The following TBR1 variants were observed in gnomAD, a reference collection of about 807,000 sequenced individuals.
TBR1 encodes T-box brain transcription factor 1.
TBR1 carries 7 observed loss-of-function variants against 60.3 expected under a neutral mutation model. The ratio of observed to expected loss-of-function variants is 0.12; its 90% CI spans 0.07 to 0.22. TBR1 has a LOEUF of 0.22. TBR1 is among the 10% of genes least tolerant of loss of function. The pLI is 1.00. For synonymous variants in TBR1, 417 were observed against 409.9 expected (o/e 1.02, Z -0.21); for missense variants, 616 against 936.8 (o/e 0.66, Z 4.47).
Position 161,417,874 on chromosome 2 carries a change from T to C in TBR1, c.847+44T>C. On this transcript the variant is annotated intron_variant, in intron 2 of 5. Coordinates refer to ENST00000389554, the MANE Select transcript of TBR1 (RefSeq NM_006593.4). The surrounding 1 kb of genome is among the most constrained non-coding windows in gnomAD (Gnocchi z 5.3). The stretch of plus-strand genomic sequence containing the variant: ...CACATTTTCTTGACACTTATTTAGG[T>C]GAGAATGATTAATTAAAGCCTTTGT... 1.2e-6 allele frequency: 2 copies of C among 1,601,310 alleles called. No homozygotes were observed. The highest frequency in any genetic ancestry group is 1.7e-4 in the Middle Eastern group (1 of 6,004).
Position 161,423,643 on chromosome 2 carries a change from G to C in TBR1, c.1465G>C (p.Ala489Pro). ...PSPQRWFVTP[A>P]NNRLDFAASA... ...GCCGCAACGCTGGTTTGTGACGCCGGCCAACAACCGGCTGGACTTCGCGGC... is the reference window on the plus strand; with the variant it reads ...GCCGCAACGCTGGTTTGTGACGCCGCCCAACAACCGGCTGGACTTCGCGGC... The change falls in exon 6 of 6, where the codon GCC (alanine) becomes CCC (proline). Residue 489 changes from alanine to proline, a missense_variant. By Grantham distance (27) the Ala-to-Pro change is conservative (BLOSUM62 -1). Transcript: ENST00000389554. The C allele has an allele frequency of 6.5e-7, 1 of 1,540,202 alleles. No homozygotes were observed. The highest frequency in any genetic ancestry group is 8.7e-7 in the Non-Finnish European group (1 of 1,152,034).
At chr2:161,420,428 T>A in intron 5 of TBR1, 171 bp downstream of exon 5, 1 of 261,876 alleles carries the variant, frequency 3.8e-6, no homozygotes, top group Non-Finnish European at 6.8e-6. Flanking sequence ...CTTTTTTTTT[T>A]TTTTTTTTTT....
chr2:161,424,169 G>A lies in TBR1; in HGVS notation c.1991G>A (p.Cys664Tyr). The A allele has an allele frequency of 3.1e-6, 5 of 1,613,058 alleles. No homozygotes were observed. The highest frequency in any genetic ancestry group is 4.2e-6 in the Non-Finnish European group (5 of 1,179,646). Residue 664 changes from cysteine (C) to tyrosine (Y), a missense_variant, in exon 6 of 6, where the codon TGC becomes TAC. By Grantham distance (194) the Cys-to-Tyr change is radical (BLOSUM62 -2). Transcript: ENST00000389554. The surrounding 1 kb of genome is among the most constrained non-coding windows in gnomAD (Gnocchi z 4.4). ...LKSEVLAQRDCEKNCAKDISG... is the reference protein window; with the variant it reads ...LKSEVLAQRDYEKNCAKDISG... ...AGCGAGGTGCTGGCCCAGCGGGACT[G>A]CGAGAAGAACTGCGCCAAGGACATT...
chr2:161,424,136 C>T lies in TBR1; in HGVS notation c.1958C>T (p.Pro653Leu). 2 of 1,612,974 alleles carry T rather than the reference C, an allele frequency of 1.2e-6. No individual in the cohort carries two copies. Among genetic ancestry groups the T allele is most frequent in the Non-Finnish European group, 1.7e-6 (2 of 1,179,704 alleles). Reference sequence around the variant, plus strand: ...ACGCCCGTGTCCGAGAGTTCGTCCCCGCTCAAGAGCGAGGTGCTGGCCCAG... The same window carrying T: ...ACGCCCGTGTCCGAGAGTTCGTCCCTGCTCAAGAGCGAGGTGCTGGCCCAG... ...ADTPVSESSS[P>L]LKSEVLAQRD... The change falls in exon 6 of 6, where the codon CCG (proline) becomes CTG (leucine). Residue 653 changes from proline to leucine, a missense_variant. Pro to Leu is a moderately conservative substitution (Grantham distance 98, BLOSUM62 -3). Coordinates refer to ENST00000389554, the MANE Select transcript of TBR1 (RefSeq NM_006593.4). The surrounding 1 kb of genome is among the most constrained non-coding windows in gnomAD (Gnocchi z 4.4).
chr2:161,425,013 C>T lies in TBR1; in HGVS notation c.*786C>T, dbSNP rs1046418428. 1.3e-5 allele frequency: 2 copies of T among 152,268 alleles called. No individual in the cohort carries two copies. Among genetic ancestry groups the T allele is most frequent in the African/African-American group, 4.8e-5 (2 of 41,416 alleles). The allele number at this position is 152,268 out of a possible 1,614,324, so 9.4% of individuals were successfully genotyped here. A position where few individuals can be genotyped will look rare whatever the true frequency, so the allele number is the denominator to read the frequency against. ...GTTGCATGAAATAATTACTATGTGCCCTAATGCACACAAATAGCTAAGGAG... is the reference window on the plus strand; with the variant it reads ...GTTGCATGAAATAATTACTATGTGCTCTAATGCACACAAATAGCTAAGGAG... On this transcript the variant is annotated 3_prime_UTR_variant, in exon 6 of 6. Transcript: ENST00000389554.
At chr2:161,418,405 T>C (rs886714843) in intron 3 of TBR1, 83 bp downstream of exon 3, 7 of 1,499,458 alleles carry the variant, frequency 4.7e-6, no homozygotes, top group Non-Finnish European at 4.5e-6. Flanking sequence ...AAGCAGCATA[T>C]GGAACTGGAT....
chr2:161,416,561 C>G lies in TBR1; in HGVS notation c.151C>G (p.Pro51Ala). 1 of 1,614,110 alleles carries G rather than the reference C, an allele frequency of 6.2e-7. No homozygotes were observed. ...CACTGACAACCTGGAGAGAAGTTCA[C>G]CTTTGAAAAAAATTACCAGGGGGAT... ...STTDNLERSS[P>A]LKKITRGMTN... Residue 51 changes from proline (P) to alanine (A), a missense_variant, in exon 1 of 6, where the codon CCT (proline) becomes GCT (alanine). By Grantham distance (27) the Pro-to-Ala change is conservative. This residue lies in a region of TBR1 where 211 missense variants were observed against 268.7 expected (regional missense o/e 0.79). Coordinates refer to ENST00000389554, the MANE Select transcript of TBR1 (RefSeq NM_006593.4). This position sits in a 1 kb window ranked among gnomAD's most constrained non-coding sequence, Gnocchi z 6.1.
chr2:161,419,708 A>C (rs771072397), intron 4 of TBR1: 1 of 152,334 alleles, frequency 6.6e-6, no homozygotes, highest in Non-Finnish European at 1.5e-5. Flanking sequence ...TCTTTTTTTT[A>C]CTTAAATGAT....
Position 161,418,096 on chromosome 2 carries a change from A to ATATGTG in TBR1, c.848-104_848-103insATGTGT, listed in dbSNP as rs368406246. ...CTTCATGGTGGAGTAAGGTGTGTGT[A>ATATGTG]TGTGTGTGTGTGTGTGTGTGTGTGT... On this transcript the variant is annotated intron_variant, in intron 2 of 5. Coordinates refer to ENST00000389554, the MANE Select transcript of TBR1 (RefSeq NM_006593.4). The ATATGTG allele has an allele frequency of 1.9e-5, 27 of 1,414,458 alleles. No homozygotes were observed. The African/African-American group carries it at 3.7e-4, about 19-fold the overall frequency. 87.6% of individuals were successfully genotyped at this position (1,414,458 alleles called of 1,614,324 possible).
In TBR1 at chr2:161,416,393, T is replaced by C. The variant is rs1230191239; in HGVS notation, c.-18T>C. ...TAAAAACCAGGGACGGGAGGGCGAG[T>C]GTTCAGGTTCTAGAGCTATGCAGCT... On this transcript the variant is annotated 5_prime_UTR_variant, in exon 1 of 6. Coordinates refer to ENST00000389554, the MANE Select transcript of TBR1 (RefSeq NM_006593.4). The surrounding 1 kb of genome is among the most constrained non-coding windows in gnomAD (Gnocchi z 6.1). The C allele has an allele frequency of 3.3e-6, 5 of 1,534,024 alleles. No individual in the cohort carries two copies. In the East Asian group the frequency reaches 1.1e-4, roughly 35 times the overall value.
chr2:161,422,527 G>A (rs979314770), intron 5 of TBR1: 1 of 152,218 alleles, frequency 6.6e-6, no homozygotes, highest in Non-Finnish European at 1.5e-5. Flanking sequence ...TCCATTGCAT[G>A]GAGTAGGCTG....
At chr2:161,419,270 G>C in intron 4 of TBR1, 2 of 585,344 alleles carry the variant, frequency 3.4e-6, no homozygotes, top group Non-Finnish European at 5.6e-6. Flanking sequence ...TTTCGTCGCT[G>C]GTCACCCGGG....
At position 161,423,570 on chromosome 2, in the gene TBR1, C is replaced by T; in HGVS notation, c.1392C>T (p.Thr464=). 6.4e-7 allele frequency: 1 copy of T among 1,550,994 alleles called. No individual in the cohort carries two copies. Among genetic ancestry groups the T allele is most frequent in the Non-Finnish European group, 8.7e-7 (1 of 1,153,364 alleles). ...GTACGGACCGCAGCGTGCCGCACAC[C>T]AACGGGCTGCTGTCGCCGCAGCAGG... ...GPGTDRSVPH[T]NGLLSPQQAE... The change falls in exon 6 of 6, where the codon ACC becomes ACT. Residue 464 remains threonine, a synonymous_variant. Transcript: ENST00000389554.
In TBR1 at chr2:161,420,242, G is replaced by A; in HGVS notation, c.1175G>A (p.Arg392Gln). Residue 392 changes from arginine (R) to glutamine (Q), a missense_variant, in exon 5 of 6, where the codon CGG becomes CAG. By Grantham distance (43) the Arg-to-Gln change is conservative. Around this residue, in one of 8 missense-constraint regions of TBR1, gnomAD observed 3 missense variants for 36.7 expected, o/e 0.08. Coordinates refer to ENST00000389554, the MANE Select transcript of TBR1 (RefSeq NM_006593.4). ...CACAACCCTTTTGCAAAAGGATTTC[G>A]GGATAATTATGACACGTAAGTAACT... is the stretch of plus-strand genomic sequence containing the variant. ...IDHNPFAKGF[R>Q]DNYDTIYTGC... The A allele has an allele frequency of 6.2e-7, 1 of 1,613,184 alleles. No homozygotes were observed. The highest frequency in any genetic ancestry group is 8.5e-7 in the Non-Finnish European group (1 of 1,179,608).
In TBR1 at chr2:161,423,508, C is replaced by G. The variant is rs1411442162; in HGVS notation, c.1330C>G (p.Arg444Gly). The G allele has an allele frequency of 6.3e-7, 1 of 1,590,468 alleles. No individual in the cohort carries two copies. The highest frequency in any genetic ancestry group is 1.1e-5 in the South Asian group (1 of 88,140). ...GTTCGTGAGCAACTACGCCAAGGCCCGCTTCCACCCGGGCGCGGGCGCGGG... is the reference window on the plus strand; with the variant it reads ...GTTCGTGAGCAACTACGCCAAGGCCGGCTTCCACCCGGGCGCGGGCGCGGG... ...DQFVSNYAKA[R>G]FHPGAGAGPG... The change falls in exon 6 of 6, where the codon CGC becomes GGC. Residue 444 changes from arginine to glycine, a missense_variant. Coordinates refer to ENST00000389554, the MANE Select transcript of TBR1 (RefSeq NM_006593.4).
chr2:161,420,171 A>C, intron 4 of TBR1, 25 bp from the exon 5 acceptor site: 1 of 1,603,620 alleles, frequency 6.2e-7, no homozygotes, highest in Non-Finnish European at 8.5e-7. Context: ...AAGGTGAGAT[A>C]ACATTCATTT....
At position 161,423,652 on chromosome 2, in the gene TBR1, C is replaced by G; in HGVS notation, c.1474C>G (p.Arg492Gly). Residue 492 changes from arginine (R) to glycine (G), a missense_variant, in exon 6 of 6, where the codon CGG becomes GGG. By Grantham distance (125) the Arg-to-Gly change is moderately radical. Around this residue, in one of 8 missense-constraint regions of TBR1, gnomAD observed 210 missense variants for 297.4 expected, o/e 0.71. Transcript: ENST00000389554. ...CTGGTTTGTGACGCCGGCCAACAAC[C>G]GGCTGGACTTCGCGGCCTCGGCCTA... The part of the protein sequence containing the change: ...QRWFVTPANN[R>G]LDFAASAYDT... 6.5e-7 allele frequency: 1 copy of G among 1,544,306 alleles called. No homozygotes were observed. Among genetic ancestry groups the G allele is most frequent in the Middle Eastern group, 1.9e-4 (1 of 5,340 alleles).
chr2:161,416,436 CTTCT>C lies in TBR1; in HGVS notation c.27_30del (p.Ile11CysfsTer9). 6.2e-7 allele frequency: 1 copy of C among 1,604,714 alleles called. No individual in the cohort carries two copies. The highest frequency in any genetic ancestry group is 8.5e-7 in the Non-Finnish European group (1 of 1,175,096). ...ATGCAGCTGGAGCACTGCCTTTCTC[CTTCT>C]ATCATGCTCTCCAAGAAATTTCTCA... On this transcript the variant is annotated frameshift_variant, in exon 1 of 6. Coordinates refer to ENST00000389554, the MANE Select transcript of TBR1 (RefSeq NM_006593.4). LOFTEE classifies it high-confidence loss of function. The surrounding 1 kb of genome is among the most constrained non-coding windows in gnomAD (Gnocchi z 6.1).
chr2:161,418,257 C>A lies in TBR1; in HGVS notation c.904C>A (p.Gln302Lys). ...SPNTGAHWMR[Q>K]EISFGKLKLT... ...CAACACTGGGGCTCACTGGATGCGC[C>A]AAGAAATCTCTTTTGGAAAATTAAA... Residue 302 changes from glutamine to lysine, a missense_variant, in exon 3 of 6, where the codon CAA (glutamine) becomes AAA (lysine). By Grantham distance (53) the Gln-to-Lys change is moderately conservative. Around this residue, in one of 8 missense-constraint regions of TBR1, gnomAD observed 85 missense variants for 164.9 expected, o/e 0.52. Transcript: ENST00000389554. 1 of 1,614,026 alleles carries A rather than the reference C, an allele frequency of 6.2e-7. No homozygotes were observed. Among genetic ancestry groups the A allele is most frequent in the Non-Finnish European group, 8.5e-7 (1 of 1,179,990 alleles).
Sources: allele counts gnomAD v4.1 joint callset, GRCh38; gene constraint gnomAD v4.1.1; regional missense constraint gnomAD v4.1.1; non-coding constraint Gnocchi (gnomAD v3.1); transcripts MANE v1.5; gene names NCBI Gene and HGNC (gene_info 2026-07-23, HGNC 2026-07-21).